The following PARP10 variants were observed in gnomAD, a reference collection of about 807,000 sequenced individuals.
The protein encoded by PARP10 is protein mono-ADP-ribosyltransferase PARP10.
PARP10 carries 56 observed loss-of-function variants against 82.4 expected under a neutral mutation model. That is an observed-to-expected ratio of 0.68 (90% CI 0.55 to 0.85). The LOEUF (loss-of-function observed/expected upper bound fraction) is 0.85. PARP10 is among the 40% of genes least tolerant of loss of function. The pLI is 0.00. For missense variants in PARP10, 1,227 were observed against 1,379.4 expected (o/e 0.89, Z 1.75); for synonymous variants, 576 against 601.1 (o/e 0.96, Z 0.61).
intron 1 of PARP10, among the ~76,000 whole-genome samples, chr8:144,009,895 C>A (rs568674518): frequency 4.2e-4 from 64 of 152,292 alleles, no homozygotes; most frequent in African/African-American, 9.9e-4. Context: ...CATGGCACCA[C>A]CTGTGAACCA....
upstream of PARP10, chr8:143,992,591 G>C: frequency 6.2e-7 from 1 of 1,614,134 alleles, no homozygotes; most frequent in Non-Finnish European, 8.5e-7. Context: ...CTCACTGGGC[G>C]CTCTGCTCTT....
At chr8:144,007,444 T>C (rs1834243332) in intron 1 of PARP10, among the ~76,000 whole-genome samples, 1 of 152,240 alleles carries the variant, frequency 6.6e-6, no homozygotes, top group Admixed American at 6.5e-5. Flanking sequence ...CTTGTCTGTT[T>C]CAACTGCTGG....
Position 143,984,731 on chromosome 8 carries a change from A to T in PARP10, c.1271T>A (p.Leu424Gln). 1 of 1,613,494 alleles carries T rather than the reference A, an allele frequency of 6.2e-7. No individual in the cohort carries two copies. The highest frequency in any genetic ancestry group is 1.3e-5 in the African/African-American group (1 of 74,824). The change falls in exon 5 of 11, where the codon CTG becomes CAG. Residue 424 changes from leucine to glutamine, a missense_variant. By Grantham distance (113) the Leu-to-Gln change is moderately radical (BLOSUM62 -2). Coordinates refer to ENST00000313028, the MANE Select transcript of PARP10 (RefSeq NM_032789.5). The stretch of plus-strand genomic sequence containing the variant: ...TGGGCTCACAGGCCCTGCCTTCTCC[A>T]GAGACCCCATGGTGATCTCCATGGG... ...VGPMEITMGS[L>Q]EKAGPVSPGC... is the part of the protein sequence containing the mutation.
At position 144,011,741 on chromosome 8, in the gene PARP10, A is replaced by T. The variant is rs1358498356; in HGVS notation, c.-80+789T>A. 6.6e-6 allele frequency among the ~76,000 whole-genome samples: 1 copy of T among 152,240 alleles called. No homozygotes were observed. The highest frequency in any genetic ancestry group is 2.1e-4 in the South Asian group (1 of 4,822). ...AAATTCAAGGAGCTGGGGAATAGAG[A>T]TCCAAGTGCGGAGAAGGCAACGACG... On this transcript the variant is annotated intron_variant, in intron 1 of 3. Coordinates refer to the PARP10 transcript ENST00000530478. This position sits in a 1 kb window ranked among gnomAD's most constrained non-coding sequence, Gnocchi z 4.5.
At position 143,982,952 on chromosome 8, in the gene PARP10, T is replaced by C. The variant is rs1474055612; in HGVS notation, c.2536A>G (p.Ser846Gly). 2 of 1,613,724 alleles carry C rather than the reference T, an allele frequency of 1.2e-6. No homozygotes were observed. Among genetic ancestry groups the C allele is most frequent in the African/African-American group, 1.3e-5 (1 of 74,944 alleles). ...AFYDTLDAAR[S>G]SIRVVRVERV... ...CTCACACGAACGACGCGGATGCTGC[T>C]GCGGGCAGCGTCCAGGGTGTCGTAG... The change falls in exon 9 of 11, where the codon AGC becomes GGC. Residue 846 changes from serine (S) to glycine (G), a missense_variant. By Grantham distance (56) the Ser-to-Gly change is moderately conservative. Transcript: ENST00000313028.
chr8:143,977,733 C>T lies in PARP10; in HGVS notation c.2829G>A (p.Val943=), dbSNP rs1554746587. ...SPPNADGHKA[V]FVARVLTGDY... The stretch of plus-strand genomic sequence containing the variant: ...CGCCAGTCAGCACCCGTGCCACGAA[C>T]ACCGCCTTATGGCCATCGGCGTTGG... The change falls in exon 11 of 11, where the codon GTG becomes GTA. Residue 943 remains valine (V), a synonymous_variant. Transcript: ENST00000313028. 1.9e-6 allele frequency: 3 copies of T among 1,601,560 alleles called. No individual in the cohort carries two copies. Among genetic ancestry groups the T allele is most frequent in the South Asian group, 2.2e-5 (2 of 89,410 alleles).
chr8:143,979,876 G>A (rs1165661990), intron 9 of PARP10, among the ~76,000 whole-genome samples: 2 of 151,916 alleles, frequency 1.3e-5, no homozygotes, highest in Non-Finnish European at 2.9e-5. Context: ...GCCGGGCGCG[G>A]TGGCGGGCGC....
chr8:143,990,118 G>A (rs1465457555), upstream of PARP10: 1 of 151,244 alleles, frequency 6.6e-6, no homozygotes, highest in Non-Finnish European at 1.5e-5. The surrounding 1 kb of genome is among the most constrained non-coding windows in gnomAD (Gnocchi z 5.6). Flanking sequence ...CGCCGAGCGG[G>A]TGCGGGTGCG....
chr8:143,979,139 T>A (rs1833790003), intron 9 of PARP10, among the ~76,000 whole-genome samples: 1 of 151,822 alleles, frequency 6.6e-6, no homozygotes, highest in Non-Finnish European at 1.5e-5. Context: ...CGCCCGGCTA[T>A]CTTTTTTGTA....
chr8:143,982,165 A>G (rs531701082), intron 9 of PARP10, among the ~76,000 whole-genome samples: 176 of 152,280 alleles, frequency 1.2e-3, no homozygotes, highest in South Asian at 7.3e-3. Flanking sequence ...TTGGGCATCA[A>G]GAGTTGAGAG....
chr8:143,995,549 C>T (rs782621316), upstream of PARP10, among the ~76,000 whole-genome samples: 1 of 152,094 alleles, frequency 6.6e-6, no homozygotes, highest in Non-Finnish European at 1.5e-5. Context: ...GCTGAACGCA[C>T]CTGTAGCAAT....
In PARP10 at chr8:143,977,960, G is replaced by T; in HGVS notation, c.2678C>A (p.Ala893Glu). The T allele has an allele frequency of 6.2e-7, 1 of 1,600,020 alleles. No individual in the cohort carries two copies. The change falls in exon 10 of 11, where the codon GCA becomes GAA. Residue 893 changes from alanine to glutamate, a missense_variant. By Grantham distance (107) the Ala-to-Glu change is moderately radical (BLOSUM62 -1). Coordinates refer to ENST00000313028, the MANE Select transcript of PARP10 (RefSeq NM_032789.5). The stretch of plus-strand genomic sequence containing the variant: ...GCCGTGGGCGCAGATGTCAGGCACT[G>T]CCGGTGCCGTCGTGCCGTGGTACAG... The part of the protein sequence containing the change: ...QVLYHGTTAP[A>E]VPDICAHGFN...
upstream of PARP10, among the ~76,000 whole-genome samples, chr8:143,994,658 A>G (rs1404285391): frequency 1.3e-5 from 2 of 152,178 alleles, no homozygotes; most frequent in Non-Finnish European, 2.9e-5. Flanking sequence ...TCCCTCTGCC[A>G]GTGTGGGGAC....
intron 1 of PARP10, among the ~76,000 whole-genome samples, chr8:144,000,224 A>G (rs1834192361): frequency 1.3e-5 from 2 of 152,200 alleles, no homozygotes; most frequent in African/African-American, 4.8e-5. Context: ...TGAAGATGTA[A>G]CTGGTTAAGA....
At position 143,985,173 on chromosome 8, in the gene PARP10, G is replaced by C. The variant is rs782403822; in HGVS notation, c.829C>G (p.Leu277Val). The C allele has an allele frequency of 1.2e-6, 2 of 1,614,168 alleles. No individual in the cohort carries two copies. Among genetic ancestry groups the C allele is most frequent in the South Asian group, 1.1e-5 (1 of 91,086 alleles). The change falls in exon 5 of 11, where the codon CTC becomes GTC. Residue 277 changes from leucine to valine, a missense_variant. By Grantham distance (32) the Leu-to-Val change is conservative (BLOSUM62 1). Transcript: ENST00000313028. Reference protein sequence around the residue: ...TQGPRATKHALLRTGGLVTAL... With the variant: ...TQGPRATKHAVLRTGGLVTAL... ...GTCACCAACCCTCCGGTCCTCAGGAGAGCATGCTTGGTAGCCCTAGGCCCC... is the reference window on the plus strand; with the variant it reads ...GTCACCAACCCTCCGGTCCTCAGGACAGCATGCTTGGTAGCCCTAGGCCCC...
rs536200583 is a variant in PARP10, at chr8:144,005,634, G to T, written c.-80+6896C>A. 5.7e-4 allele frequency among the ~76,000 whole-genome samples: 86 copies of T among 152,172 alleles called. 2 individuals are homozygous for T. The highest frequency in any genetic ancestry group is 1.7e-3 in the African/African-American group (72 of 41,506). ...CATCCCATGCTTCTCTGGCCCGGCC[G>T]TCCCCTCCCCACAGTGGCTGATTCC... On this transcript the variant is annotated intron_variant, in intron 1 of 3. Transcript: ENST00000530478.
intron 1 of PARP10, among the ~76,000 whole-genome samples, chr8:144,009,010 A>C (rs568628735): frequency 6.6e-6 from 1 of 152,278 alleles, no homozygotes; most frequent in African/African-American, 2.4e-5. Context: ...TCTACTGTGC[A>C]CTGTGAGTCT....
chr8:143,977,238 G>A lies in PARP10; in HGVS notation c.*246C>T. On this transcript the variant is annotated 3_prime_UTR_variant, in exon 11 of 11. Transcript: ENST00000313028. The stretch of plus-strand genomic sequence containing the variant: ...GACTCGGGCGAGGTCTGGGAGCGGC[G>A]GGCGGGCGGTGTCGCCTCCTGGGCT... 5.7e-6 allele frequency: 3 copies of A among 523,236 alleles called. No individual in the cohort carries two copies. In the South Asian group the frequency reaches 8.7e-5, roughly 15 times the overall value. The allele number at this position is 523,236 out of a possible 1,614,324, so 32.4% of individuals were successfully genotyped here.
Position 143,986,353 on chromosome 8 carries a change from C to A in PARP10, c.2+5G>T. ...ATTATGGGTGGCCCCACATACAGCA[C>A]TTACATTCCCCGTGGCCGCTAGGCA... On this transcript the variant is annotated splice_donor_5th_base_variant and intron_variant, in intron 1 of 10. Coordinates refer to ENST00000313028, the MANE Select transcript of PARP10 (RefSeq NM_032789.5). 1 of 1,614,178 alleles carries A rather than the reference C, an allele frequency of 6.2e-7. No individual in the cohort carries two copies. The highest frequency in any genetic ancestry group is 1.1e-5 in the South Asian group (1 of 91,086).
Sources: gnomAD v4.1 joint callset for allele counts (sites outside exome capture counted in the v4.1 genomes callset) on GRCh38, gnomAD v4.1.1 for gene constraint, Gnocchi (gnomAD v3.1) non-coding constraint, MANE v1.5 for transcripts, NCBI Gene and HGNC (gene_info 2026-07-23, HGNC 2026-07-21) for gene names.